The following STK3 variants were observed in gnomAD, a reference collection of about 807,000 sequenced individuals.
STK3 encodes the protein serine/threonine-protein kinase 3.
A neutral mutation model predicts 58.0 loss-of-function variants in STK3; 41 were observed. The ratio of observed to expected loss-of-function variants is 0.71; its 90% CI spans 0.55 to 0.92. The LOEUF is 0.92. STK3 is among the 40% of genes least tolerant of loss of function. The probability of loss-of-function intolerance (pLI) is 0.00; values close to 1 mark genes in which losing one functional copy is unlikely to be tolerated. For synonymous variants in STK3, 170 were observed against 191.0 expected (o/e 0.89, Z 0.91); for missense variants, 479 against 602.7 (o/e 0.79, Z 2.15).
chr8:98,545,272 A>T (rs951895304), intron 9 of STK3, among the ~76,000 whole-genome samples: 3 of 152,236 alleles, frequency 2.0e-5, no homozygotes, highest in African/African-American at 7.2e-5. Flanking sequence ...CCACATGTAA[A>T]TAATGGCTAG....
intron 1 of STK3, among the ~76,000 whole-genome samples, chr8:98,812,904 G>A (rs551018469): frequency 3.9e-5 from 6 of 152,144 alleles, no homozygotes; most frequent in Non-Finnish European, 8.8e-5. Flanking sequence ...GGGGAGTGAG[G>A]AGGGATAGCA....
Position 98,721,817 on chromosome 8 carries a change from G to A in STK3, c.352-14506C>T, listed in dbSNP as rs1827450211. ...ATAACAGCACATATATAACCAGAAT[G>A]TAAACCAGAGTGTAAAAGTGACATA... is the stretch of plus-strand genomic sequence containing the variant. On this transcript the variant is annotated intron_variant, in intron 4 of 10. Coordinates refer to ENST00000419617, the MANE Select transcript of STK3 (RefSeq NM_006281.4). Among the ~76,000 whole-genome samples the A allele has an allele frequency of 2.0e-5, 3 of 152,100 alleles. No homozygotes were observed. The South Asian group carries it at 6.2e-4, about 31-fold the overall frequency.
intron 4 of STK3, among the ~76,000 whole-genome samples, chr8:98,739,182 G>C (rs1051769778): frequency 6.6e-6 from 1 of 152,378 alleles, no homozygotes. Context: ...CAAACAAAAA[G>C]ACAGCAGTAA....
At chr8:98,749,043 G>A (rs1230178567) in intron 4 of STK3, among the ~76,000 whole-genome samples, 2 of 151,732 alleles carry the variant, frequency 1.3e-5, no homozygotes, top group African/African-American at 4.8e-5. Context: ...TAGTTTCTCT[G>A]TGACACACCA....
At chr8:98,385,252 TG>T (rs1817779137) in intron 1 of STK3, among the ~76,000 whole-genome samples, 1 of 141,598 alleles carries the variant, frequency 7.1e-6, no homozygotes, top group South Asian at 2.2e-4. Context: ...GGGGTTTGAG[TG>T]GGGGTCGGGG....
At chr8:98,829,373 T>C (rs552267714), upstream of STK3, among the ~76,000 whole-genome samples, 1 of 152,306 alleles carries the variant, frequency 6.6e-6, no homozygotes, top group East Asian at 1.9e-4. Flanking sequence ...ACTAATTTGA[T>C]TGCACCTTCT....
intron 9 of STK3, among the ~76,000 whole-genome samples, chr8:98,542,851 C>T (rs184930657): frequency 1.4e-4 from 22 of 152,310 alleles, no homozygotes; most frequent in Non-Finnish European, 2.1e-4. Context: ...GAAACTCAGA[C>T]AGAATTAAGC....
At chr8:98,938,111 TTTTCAG>T (rs1387258185) in intron 1 of STK3, among the ~76,000 whole-genome samples, 8 of 151,972 alleles carry the variant, frequency 5.3e-5, no homozygotes, top group Admixed American at 1.3e-4. Flanking sequence ...TTTATATGCG[TTTTCAG>T]TGGCTTCCCT....
intron 3 of STK3, among the ~76,000 whole-genome samples, chr8:98,864,443 A>G (rs1837056822): frequency 6.6e-6 from 1 of 152,152 alleles, no homozygotes; most frequent in Admixed American, 6.6e-5. Context: ...TATCTTCTGG[A>G]TCTTTCATTT....
At chr8:98,679,542 T>C (rs1042784149) in intron 6 of STK3, among the ~76,000 whole-genome samples, 1 of 152,242 alleles carries the variant, frequency 6.6e-6, no homozygotes, top group African/African-American at 2.4e-5. Context: ...TTATTTATTT[T>C]TGATATTATC....
In STK3 at chr8:98,791,010, G is replaced by A. The variant is rs191530797; in HGVS notation, c.27-16191C>T. On this transcript the variant is annotated intron_variant, in intron 1 of 10. Coordinates refer to ENST00000419617, the MANE Select transcript of STK3 (RefSeq NM_006281.4). ...AAAAAAAAAAAAAGGCATTCAAATCGGTTAAGAGGAAGTCAAGCTGTTGCT... is the reference window on the plus strand; with the variant it reads ...AAAAAAAAAAAAAGGCATTCAAATCAGTTAAGAGGAAGTCAAGCTGTTGCT... 9.0e-4 allele frequency among the ~76,000 whole-genome samples: 135 copies of A among 150,814 alleles called. 1 individual carries two copies. Among genetic ancestry groups the A allele is most frequent in the African/African-American group, 3.1e-3 (126 of 41,160 alleles).
chr8:98,633,592 C>G (rs1488253984), intron 6 of STK3: 3 of 744,168 alleles, frequency 4.0e-6, no homozygotes, highest in Non-Finnish European at 5.0e-6. Context: ...TTTCAGTCAG[C>G]AGTCTCAGTC....
At chr8:98,488,646 C>T (rs1333123786) in intron 10 of STK3, among the ~76,000 whole-genome samples, 1 of 152,016 alleles carries the variant, frequency 6.6e-6, no homozygotes, top group East Asian at 1.9e-4. Context: ...GAACTACTGA[C>T]AGAAATTTAG....
chr8:98,641,951 T>A (rs1298216289), intron 6 of STK3, among the ~76,000 whole-genome samples: 1 of 152,186 alleles, frequency 6.6e-6, no homozygotes, highest in African/African-American at 2.4e-5. Flanking sequence ...ACCTTCATAA[T>A]TAATGTCCCC....
chr8:98,535,591 G>C (rs1158074823), intron 9 of STK3, among the ~76,000 whole-genome samples: 1 of 151,834 alleles, frequency 6.6e-6, no homozygotes, highest in Non-Finnish European at 1.5e-5. Context: ...GTAATAAACA[G>C]TCAGGGTTCT....
chr8:98,527,034 G>T, intron 9 of STK3, 117 bp from the exon 10 acceptor site: 1 of 674,638 alleles, frequency 1.5e-6, no homozygotes, highest in Non-Finnish European at 2.2e-6. Context: ...TCAGATTCAA[G>T]GCCAACATAA....
chr8:98,871,026 T>G (rs940137327), intron 3 of STK3, among the ~76,000 whole-genome samples: 11 of 152,116 alleles, frequency 7.2e-5, no homozygotes, highest in African/African-American at 2.4e-4. Context: ...TGTATAAGGT[T>G]TAAGGAAGGG....
At chr8:98,920,422 A>G (rs1419581561) in intron 1 of STK3, among the ~76,000 whole-genome samples, 1 of 152,210 alleles carries the variant, frequency 6.6e-6, no homozygotes, top group African/African-American at 2.4e-5. Flanking sequence ...CTTTAGAATC[A>G]ACACAGCTCT....
rs1222823402 is a variant in STK3 at position 98,802,812 on chromosome 8, C to T, written c.26+22703G>A. ...AACTCATTGATATAAAAAGAATTCA[C>T]AATATACTTCTAAGAGAAAAAAAGG... On this transcript the variant is annotated intron_variant, in intron 1 of 10. Coordinates refer to ENST00000419617, the MANE Select transcript of STK3 (RefSeq NM_006281.4). Among the ~76,000 whole-genome samples, 4 of 152,044 alleles carry T rather than the reference C, an allele frequency of 2.6e-5. No individual in the cohort carries two copies. In the South Asian group the frequency reaches 6.2e-4, roughly 24 times the overall value.
Sources: allele counts gnomAD v4.1 joint callset (sites outside exome capture counted in the v4.1 genomes callset), GRCh38; gene constraint gnomAD v4.1.1; transcripts MANE v1.5; gene names NCBI Gene and HGNC (gene_info 2026-07-23, HGNC 2026-07-21).